The following GALNT3 variants were observed in gnomAD, a reference collection of about 807,000 sequenced individuals.
GALNT3 encodes polypeptide N-acetylgalactosaminyltransferase 3.
Under a neutral mutation model 69.8 loss-of-function variants are expected in GALNT3, and 51 were observed. That is an observed-to-expected ratio of 0.73 (90% confidence interval 0.58 to 0.92). The LOEUF is 0.92. Among genes scored for constraint, GALNT3 ranks in the 40% least tolerant of loss-of-function variants. The pLI, the probability that GALNT3 is intolerant of heterozygous loss-of-function variation, is 0.00. For missense variants in GALNT3, 711 were observed against 760.0 expected, an observed-to-expected ratio of 0.94 and a Z score of 0.76; for synonymous variants, 265 against 248.5, an observed-to-expected ratio of 1.07 and a Z score of -0.63.
intron 1 of GALNT3, among the ~76,000 whole-genome samples, chr2:165,788,062 C>T (rs1683260245): frequency 6.6e-6 from 1 of 152,158 alleles, no homozygotes; most frequent in African/African-American, 2.4e-5. Flanking sequence ...GGCGCGGTGG[C>T]TCACACCTAT....
intron 7 of GALNT3, 80 bp downstream of exon 7, chr2:165,756,967 A>G (rs1351531954): frequency 1.9e-6 from 2 of 1,073,788 alleles, no homozygotes; most frequent in Non-Finnish European, 2.8e-6. Flanking sequence ...GATGTTTTGT[A>G]CTTGAGATGA....
At chr2:165,759,959 A>T (rs999645087) in intron 4 of GALNT3, among the ~76,000 whole-genome samples, 3 of 152,058 alleles carry the variant, frequency 2.0e-5, no homozygotes, top group African/African-American at 4.8e-5. Flanking sequence ...AGAAGGGGAG[A>T]TTTTTTAAAG....
intron 1 of GALNT3, among the ~76,000 whole-genome samples, chr2:165,782,889 C>G (rs1333312998): frequency 6.6e-6 from 1 of 152,070 alleles, no homozygotes; most frequent in Non-Finnish European, 1.5e-5. Context: ...TTTTTGCTAC[C>G]AGAGCTAGAG....
rs1177647089 is a variant in GALNT3, at chr2:165,748,627, T to C, written c.*154A>G. 7.5e-6 allele frequency: 5 copies of C among 664,978 alleles called. No individual in the cohort carries two copies. Among genetic ancestry groups the C allele is most frequent in the African/African-American group, 1.8e-5 (1 of 55,088 alleles). The allele number at this position is 664,978 out of a possible 1,614,324, so 41.2% of individuals were successfully genotyped here. A position where few individuals can be genotyped will look rare whatever the true frequency, so the allele number is the denominator to read the frequency against. Reference sequence around the variant, plus strand: ...GAAACAGAAACTTGCAGAATTTCTGTAGTAGTGCTACATAAAGATATAAAT... The same window carrying C: ...GAAACAGAAACTTGCAGAATTTCTGCAGTAGTGCTACATAAAGATATAAAT... On this transcript the variant is annotated 3_prime_UTR_variant, in exon 11 of 11. Transcript: ENST00000392701.
At chr2:165,765,679 G>A (rs180709093) in intron 2 of GALNT3, among the ~76,000 whole-genome samples, 22 of 151,936 alleles carry the variant, frequency 1.4e-4, no homozygotes, top group Admixed American at 3.9e-4. Flanking sequence ...TAGTAGAGAC[G>A]GGGTTTTACC....
rs1454704027 is a variant in GALNT3 at position 165,748,517 on chromosome 2, A to G, written c.*264T>C. The G allele has an allele frequency of 4.4e-6, 2 of 456,698 alleles. No homozygotes were observed. Among genetic ancestry groups the G allele is most frequent in the Admixed American group, 3.8e-5 (1 of 26,620 alleles). 28.3% of individuals were successfully genotyped at this position (456,698 alleles called of 1,614,324 possible). A position where few individuals can be genotyped will look rare whatever the true frequency, so the allele number is the denominator to read the frequency against. On this transcript the variant is annotated 3_prime_UTR_variant, in exon 11 of 11. Coordinates refer to ENST00000392701, the MANE Select transcript of GALNT3 (RefSeq NM_004482.4). ...ACACAAACATCACTTTACTTGGAAA[A>G]TTATTTTCATCATACTGTAAACATC...
At chr2:165,787,543 C>T (rs1027757114) in intron 1 of GALNT3, among the ~76,000 whole-genome samples, 14 of 151,884 alleles carry the variant, frequency 9.2e-5, no homozygotes, top group African/African-American at 3.4e-4. Flanking sequence ...AGACAAACAG[C>T]GAGGCCATGG....
At chr2:165,771,778 A>G (rs1688757887) in intron 1 of GALNT3, 1 of 152,216 alleles carries the variant, frequency 6.6e-6, no homozygotes. Flanking sequence ...CATTTATAGC[A>G]ATGAAAATTA....
chr2:165,759,461 G>T lies in GALNT3; in HGVS notation c.948C>A (p.Phe316Leu). The change falls in exon 5 of 11, where the codon TTC becomes TTA. Residue 316 changes from phenylalanine (F) to leucine (L), a missense_variant. Physicochemically the swap from Phe to Leu is conservative, Grantham distance 22. Coordinates refer to ENST00000392701, the MANE Select transcript of GALNT3 (RefSeq NM_004482.4). ...TACTTCCATAAGGAGAAGGTTTGTTGAATTCAAACGTGTTCAGATCTATGG... is the reference window on the plus strand; with the variant it reads ...TACTTCCATAAGGAGAAGGTTTGTTTAATTCAAACGTGTTCAGATCTATGG... The part of the protein sequence containing the change: ...IASIDLNTFE[F>L]NKPSPYGSNH... 10 of 1,613,998 alleles carry T rather than the reference G, an allele frequency of 6.2e-6. No homozygotes were observed. Among genetic ancestry groups the T allele is most frequent in the African/African-American group, 1.3e-5 (1 of 75,036 alleles).
chr2:165,779,522 G>T (rs1683055748), intron 1 of GALNT3, among the ~76,000 whole-genome samples: 1 of 152,162 alleles, frequency 6.6e-6, no homozygotes, highest in Non-Finnish European at 1.5e-5. Flanking sequence ...GAGAGACATA[G>T]AGTCCTAACA....
At chr2:165,776,192 G>A (rs1688842960) in intron 1 of GALNT3, among the ~76,000 whole-genome samples, 1 of 152,082 alleles carries the variant, frequency 6.6e-6, no homozygotes, top group South Asian at 2.1e-4. Flanking sequence ...GATTTTTAAT[G>A]CCTTTTTCCG....
intron 1 of GALNT3, chr2:165,771,742 G>T (rs1213264897): frequency 6.6e-6 from 1 of 152,142 alleles, no homozygotes; most frequent in Non-Finnish European, 1.5e-5. Flanking sequence ...TCTTCCTAAG[G>T]TCTAAACATA....
chr2:165,758,620 A>G, intron 6 of GALNT3, 127 bp downstream of exon 6: 1 of 660,080 alleles, frequency 1.5e-6, no homozygotes, highest in Non-Finnish European at 2.7e-6. Flanking sequence ...CAAAATTTCC[A>G]GCAATTAAGT....
At chr2:165,793,154 G>C (rs1231211548) in intron 1 of GALNT3, among the ~76,000 whole-genome samples, 1 of 152,154 alleles carries the variant, frequency 6.6e-6, no homozygotes, top group African/African-American at 2.4e-5. Context: ...AATTAGGCAG[G>C]GAAAGGAATC....
At chr2:165,748,988 A>T in intron 10 of GALNT3, 85 bp from the exon 11 acceptor site, 2 of 1,358,162 alleles carry the variant, frequency 1.5e-6, no homozygotes, top group Non-Finnish European at 2.1e-6. Context: ...GGTTTCATTG[A>T]AGCAAACCTA....
chr2:165,770,132 C>T (rs1239879972), intron 2 of GALNT3, 54 bp downstream of exon 2: 5 of 1,606,078 alleles, frequency 3.1e-6, no homozygotes, highest in African/African-American at 2.7e-5. Flanking sequence ...TCACCCCTCT[C>T]TCCCCTGCAA....
At chr2:165,750,568 A>C (rs991943955) in intron 9 of GALNT3, among the ~76,000 whole-genome samples, 1 of 152,150 alleles carries the variant, frequency 6.6e-6, no homozygotes, top group African/African-American at 2.4e-5. Flanking sequence ...TCAGACTCTC[A>C]GAATTTTTAC....
intron 1 of GALNT3, among the ~76,000 whole-genome samples, chr2:165,784,601 T>C (rs548817336): frequency 1.2e-4 from 19 of 152,160 alleles, no homozygotes; most frequent in African/African-American, 4.1e-4. Flanking sequence ...CTCGGGAGGC[T>C]GAGGCAAGAG....
intron 2 of GALNT3, 38 bp downstream of exon 2, chr2:165,770,148 G>A: frequency 6.2e-7 from 1 of 1,612,616 alleles, no homozygotes; most frequent in Non-Finnish European, 8.5e-7. Context: ...TGCAAAGCCT[G>A]GTGATAAAGA....
Sources: allele counts gnomAD v4.1 joint callset (sites outside exome capture counted in the v4.1 genomes callset), GRCh38; gene constraint gnomAD v4.1.1; transcripts MANE v1.5; gene names NCBI Gene and HGNC (gene_info 2026-07-23, HGNC 2026-07-21).